ZNF704: variants seen among roughly 807,000 people sequenced by gnomAD.
The protein encoded by ZNF704 is zinc finger protein 704.
ZNF704 carries 10 observed loss-of-function variants against 44.7 expected under a neutral mutation model. That is an observed-to-expected ratio of 0.22 (90% CI 0.14 to 0.38). The LOEUF is 0.38. ZNF704 is among the 10% of genes least tolerant of loss of function. ZNF704 has a pLI of 1.00. For missense variants in ZNF704, 390 were observed against 545.5 expected (o/e 0.71, Z 2.84); for synonymous variants, 211 against 207.6 (o/e 1.02, Z -0.14).
In ZNF704 at chr8:80,630,400, CCTTT is replaced by C. The variant is rs1169354449; in HGVS notation, c.*10962_*10965del. 1 of 152,210 alleles carries C rather than the reference CCTTT, an allele frequency of 6.6e-6. No homozygotes were observed. Among genetic ancestry groups the C allele is most frequent in the Non-Finnish European group, 1.5e-5 (1 of 68,036 alleles). The allele number at this position is 152,210 out of a possible 1,614,324, so 9.4% of individuals were successfully genotyped here. ...CTGCTGTTTTCTCTTCATTCTTTCT[CCTTT>C]ACTTGTTTAGCAGGCACTAAAAAGC... On this transcript the variant is annotated 3_prime_UTR_variant, in exon 9 of 9. Transcript: ENST00000327835.
rs200175301 is a variant in ZNF704 at position 80,841,531 on chromosome 8, CTT to C, written c.-21-19918_-21-19917del. Among the ~76,000 whole-genome samples the C allele has an allele frequency of 7.7e-3, 1,174 of 152,272 alleles. 14 individuals are homozygous for C. Among genetic ancestry groups the C allele is most frequent in the African/African-American group, 0.026 (1,077 of 41,544 alleles). On this transcript the variant is annotated intron_variant, in intron 1 of 8. Transcript: ENST00000327835. The stretch of plus-strand genomic sequence containing the variant: ...ACTGCAATAACTTCTCACTTTCACT[CTT>C]AACTTGTAAGAATCCACGTGTTATT...
chr8:80,797,351 G>A (rs1807823397), intron 2 of ZNF704, among the ~76,000 whole-genome samples: 1 of 152,170 alleles, frequency 6.6e-6, no homozygotes, highest in Non-Finnish European at 1.5e-5. Flanking sequence ...CATTGCCCTA[G>A]TAGGGGCTCT....
chr8:80,800,805 A>T (rs1807886582), intron 2 of ZNF704, among the ~76,000 whole-genome samples: 1 of 152,212 alleles, frequency 6.6e-6, no homozygotes, highest in South Asian at 2.1e-4. Flanking sequence ...AAATTAATAC[A>T]TAACAATACT....
chr8:80,676,659 T>C (rs895671614), intron 4 of ZNF704, among the ~76,000 whole-genome samples: 3 of 152,198 alleles, frequency 2.0e-5, no homozygotes, highest in Non-Finnish European at 4.4e-5. Context: ...ATAAAATACT[T>C]GCCTTACAGC....
At chr8:80,703,115 C>A (rs553231616) in intron 2 of ZNF704, among the ~76,000 whole-genome samples, 1 of 152,270 alleles carries the variant, frequency 6.6e-6, no homozygotes, top group East Asian at 1.9e-4. Context: ...GCCCTCTCTG[C>A]TCTGGTCTCC....
In ZNF704 at chr8:80,628,633, A is replaced by C. The variant is rs1257505186; in HGVS notation, c.*12733T>G. On this transcript the variant is annotated 3_prime_UTR_variant, in exon 9 of 9. Transcript: ENST00000327835. ...CAACCCCAGGTAGAACCATCCACAA[A>C]GTAAGTACAGGTCAACAATGATATC... 1 of 152,248 alleles carries C rather than the reference A, an allele frequency of 6.6e-6. No homozygotes were observed. Among genetic ancestry groups the C allele is most frequent in the African/African-American group, 2.4e-5 (1 of 41,468 alleles). The allele number at this position is 152,248 out of a possible 1,614,324, so 9.4% of individuals were successfully genotyped here.
At chr8:80,823,230 C>T (rs78144534) in intron 1 of ZNF704, among the ~76,000 whole-genome samples, 2,228 of 152,304 alleles carry the variant, frequency 0.015, 55 homozygotes, top group African/African-American at 0.051. Context: ...CCTAACACTG[C>T]GCTTTTCCAA....
chr8:80,848,025 C>T (rs1001830344), intron 1 of ZNF704, among the ~76,000 whole-genome samples: 1 of 152,170 alleles, frequency 6.6e-6, no homozygotes, highest in Non-Finnish European at 1.5e-5. Context: ...ACCCACATGT[C>T]CTTCAATGGG....
rs900651000 is a variant in ZNF704 at position 80,631,191 on chromosome 8, T to C, written c.*10175A>G. The C allele has an allele frequency of 5.3e-5, 8 of 152,164 alleles. No homozygotes were observed. Among genetic ancestry groups the C allele is most frequent in the Non-Finnish European group, 1.0e-4 (7 of 68,030 alleles). The allele number at this position is 152,164 out of a possible 1,614,324, so 9.4% of individuals were successfully genotyped here. On this transcript the variant is annotated 3_prime_UTR_variant, in exon 9 of 9. Transcript: ENST00000327835. ...GGTTTGTAATCTGCAAAGTTATGTA[T>C]TGCTCCTCAACCTTTTTTGGGAAAG...
In ZNF704 at chr8:80,630,187, T is replaced by C. The variant is rs1337247172; in HGVS notation, c.*11179A>G. The C allele has an allele frequency of 6.6e-6, 1 of 152,250 alleles. No homozygotes were observed. Among genetic ancestry groups the C allele is most frequent in the Non-Finnish European group, 1.5e-5 (1 of 68,034 alleles). The allele number at this position is 152,250 out of a possible 1,614,324, so 9.4% of individuals were successfully genotyped here. A position where few individuals can be genotyped will look rare whatever the true frequency, so the allele number is the denominator to read the frequency against. ...TGCTACTCTTTGAAAATGCATAGTT[T>C]ATAATTTTATACATTCATTCACTAA... On this transcript the variant is annotated 3_prime_UTR_variant, in exon 9 of 9. Coordinates refer to ENST00000327835, the MANE Select transcript of ZNF704 (RefSeq NM_001033723.3).
At chr8:80,731,158 C>G (rs1337202680) in intron 2 of ZNF704, among the ~76,000 whole-genome samples, 1 of 152,200 alleles carries the variant, frequency 6.6e-6, no homozygotes, top group Non-Finnish European at 1.5e-5. Context: ...GCTAAACAGA[C>G]AGCATCTACT....
intron 1 of ZNF704, among the ~76,000 whole-genome samples, chr8:80,842,210 G>A (rs942549129): frequency 2.0e-5 from 3 of 152,124 alleles, no homozygotes; most frequent in Non-Finnish European, 1.5e-5. Context: ...TCCCAGCCCT[G>A]CCCCTTACTA....
intron 2 of ZNF704, among the ~76,000 whole-genome samples, chr8:80,750,640 C>T (rs373992064): frequency 4.6e-5 from 7 of 151,966 alleles, no homozygotes; most frequent in Non-Finnish European, 8.8e-5. Flanking sequence ...CTCAGCCTCC[C>T]GAGTAGCTGG....
intron 4 of ZNF704, among the ~76,000 whole-genome samples, chr8:80,684,380 C>T (rs1220270439): frequency 6.6e-6 from 1 of 152,164 alleles, no homozygotes; most frequent in East Asian, 1.9e-4. Flanking sequence ...GTATTCTATT[C>T]TGTTTTATTG....
chr8:80,784,473 A>C (rs1406693736), intron 2 of ZNF704, among the ~76,000 whole-genome samples: 2 of 152,146 alleles, frequency 1.3e-5, no homozygotes, highest in Non-Finnish European at 2.9e-5. Flanking sequence ...ATAGGTATAT[A>C]GTGATTTCTT....
intron 2 of ZNF704, among the ~76,000 whole-genome samples, chr8:80,726,249 CATAA>C (rs1383485665): frequency 3.9e-5 from 6 of 152,006 alleles, no homozygotes; most frequent in African/African-American, 1.4e-4. Flanking sequence ...TTTCTTACTG[CATAA>C]ATATCAACAC....
chr8:80,766,440 C>G (rs1807228625), intron 2 of ZNF704, among the ~76,000 whole-genome samples: 3 of 152,140 alleles, frequency 2.0e-5, no homozygotes, highest in African/African-American at 4.8e-5. Context: ...TAGCTGCACC[C>G]CTGTCCTTTC....
At chr8:80,656,769 G>A (rs1465074549) in intron 7 of ZNF704, among the ~76,000 whole-genome samples, 1 of 152,112 alleles carries the variant, frequency 6.6e-6, no homozygotes, top group Non-Finnish European at 1.5e-5. Context: ...TCAATACCAC[G>A]TCTCAAAGAT....
chr8:80,847,840 T>C (rs57452121), intron 1 of ZNF704, among the ~76,000 whole-genome samples: 1 of 152,174 alleles, frequency 6.6e-6, no homozygotes, highest in East Asian at 1.9e-4. Context: ...AAATGCAAAA[T>C]GGTACAGCCA....
Sources: allele counts gnomAD v4.1 joint callset (sites outside exome capture counted in the v4.1 genomes callset), GRCh38; gene constraint gnomAD v4.1.1; transcripts MANE v1.5; gene names NCBI Gene and HGNC (gene_info 2026-07-23, HGNC 2026-07-21).